The following PON2 variants were observed in gnomAD, a reference collection of about 807,000 sequenced individuals.
PON2 encodes the protein serum paraoxonase/arylesterase 2.
In PON2, 27 loss-of-function variants were observed where a neutral mutation model predicts 36.6. The observed-to-expected ratio is 0.74, with a 90% CI of 0.54 to 1.02. PON2 has a LOEUF of 1.02. PON2 is among the 50% of genes least tolerant of loss of function. The pLI is 0.00. For synonymous variants in PON2, 149 were observed against 156.3 expected (o/e 0.95, Z 0.35); for missense variants, 363 against 421.1 (o/e 0.86, Z 1.21).
intron 7 of PON2, 24 bp downstream of exon 7, chr7:95,406,963 T>C: frequency 7.5e-7 from 1 of 1,339,810 alleles, no homozygotes; most frequent in South Asian, 1.2e-5. Flanking sequence ...GATTACTGTC[T>C]ATATGTAAAA....
intron 6 of PON2, chr7:95,409,577 C>T (rs1809812089): frequency 6.6e-6 from 1 of 152,186 alleles, no homozygotes; most frequent in Non-Finnish European, 1.4e-5. Flanking sequence ...TATGATCACA[C>T]TTTAAAATTT....
intron 1 of PON2, among the ~76,000 whole-genome samples, chr7:95,429,545 C>T (rs1294282992): frequency 6.6e-6 from 1 of 152,176 alleles, no homozygotes; most frequent in African/African-American, 2.4e-5. Flanking sequence ...ATTCAGGAAA[C>T]AGCAGTACCC....
chr7:95,421,817 A>G (rs1789200151), intron 2 of PON2, among the ~76,000 whole-genome samples: 1 of 152,226 alleles, frequency 6.6e-6, no homozygotes, highest in African/African-American at 2.4e-5. Flanking sequence ...AAAAGAAGAA[A>G]AAAAGAAAGG....
intron 1 of PON2, among the ~76,000 whole-genome samples, chr7:95,429,275 C>CA (rs1789386017): frequency 6.7e-6 from 1 of 149,016 alleles, no homozygotes; most frequent in Admixed American, 6.8e-5. Flanking sequence ...TAAGTGAGAA[C>CA]ATGTGGTGTT....
At chr7:95,406,339 A>G in intron 7 of PON2, 92 bp from the exon 8 acceptor site, 1 of 1,361,428 alleles carries the variant, frequency 7.3e-7, no homozygotes, top group Non-Finnish European at 1.0e-6. Context: ...GCATGTGAGG[A>G]AATTACACAT....
At chr7:95,406,093 G>A in intron 8 of PON2, 26 bp downstream of exon 8, 1 of 1,607,214 alleles carries the variant, frequency 6.2e-7, no homozygotes. Flanking sequence ...GAATAATTAA[G>A]TTTAAAAAAC....
chr7:95,434,432 A>G (rs998430922), intron 1 of PON2: 1 of 170,104 alleles, frequency 5.9e-6, no homozygotes, highest in African/African-American at 2.4e-5. Context: ...ATGGGTGGAG[A>G]ACAACTTTAT....
chr7:95,426,214 A>G (rs1391953826), intron 1 of PON2, among the ~76,000 whole-genome samples: 1 of 152,138 alleles, frequency 6.6e-6, no homozygotes, highest in Non-Finnish European at 1.5e-5. Context: ...ACCCATGTAA[A>G]ACCTGCACAT....
At chr7:95,412,623 A>G in intron 3 of PON2, 146 bp from the exon 4 acceptor site, 1 of 780,056 alleles carries the variant, frequency 1.3e-6, no homozygotes, top group Non-Finnish European at 2.1e-6. Flanking sequence ...AGAAAAGATA[A>G]CAGAAAAAAT....
At chr7:95,407,429 G>A (rs923284321) in intron 6 of PON2, among the ~76,000 whole-genome samples, 4 of 152,118 alleles carry the variant, frequency 2.6e-5, no homozygotes, top group African/African-American at 9.7e-5. Flanking sequence ...TAATTATCAT[G>A]TACATATAGA....
chr7:95,411,299 T>C (rs1788916835), intron 5 of PON2, among the ~76,000 whole-genome samples: 1 of 152,146 alleles, frequency 6.6e-6, no homozygotes, highest in South Asian at 2.1e-4. Flanking sequence ...ATCTGGGTGA[T>C]GAGTCATCTA....
In PON2 at chr7:95,409,928, T is replaced by C; in HGVS notation, c.668A>G (p.Asn223Ser). 2 of 1,613,668 alleles carry C rather than the reference T, an allele frequency of 1.2e-6. No homozygotes were observed. The highest frequency in any genetic ancestry group is 1.7e-4 in the Middle Eastern group (1 of 5,888). ...ATCATCAGGTGAAATATTGATCCCATTTGCTGAATCAAATCCTTCTGCTAC... is the reference window on the plus strand; with the variant it reads ...ATCATCAGGTGAAATATTGATCCCACTTGCTGAATCAAATCCTTCTGCTAC... The part of the protein sequence containing the change: ...KVVAEGFDSA[N>S]GINISPDDKY... Residue 223 changes from asparagine (N) to serine (S), a missense_variant, in exon 6 of 9, where the codon AAT becomes AGT. Asn to Ser is a conservative substitution (Grantham distance 46). Coordinates refer to ENST00000222572, the MANE Select transcript of PON2 (RefSeq NM_000305.3).
chr7:95,408,277 A>G (rs1274766940), intron 6 of PON2, among the ~76,000 whole-genome samples: 2 of 152,226 alleles, frequency 1.3e-5, no homozygotes, highest in African/African-American at 4.8e-5. Context: ...CAAGAGTGAA[A>G]AAAATCCAAG....
chr7:95,416,221 G>T (rs780667181), intron 3 of PON2, 21 bp downstream of exon 3: 3 of 1,610,970 alleles, frequency 1.9e-6, no homozygotes, highest in Non-Finnish European at 2.5e-6. Context: ...GCTGAATTTG[G>T]GGAAGGAAGA....
intron 1 of PON2, among the ~76,000 whole-genome samples, chr7:95,432,321 G>A (rs1789461578): frequency 1.3e-5 from 2 of 152,094 alleles, no homozygotes; most frequent in African/African-American, 2.4e-5. Context: ...GAGGAGGGAG[G>A]ACTGCTTGTG....
rs765670902 is a variant in PON2, at chr7:95,412,517, A to G, written c.202-40T>C. 111 of 1,591,604 alleles carry G rather than the reference A, an allele frequency of 7.0e-5. 4 individuals are homozygous for G. The South Asian group carries it at 1.2e-3, about 18-fold the overall frequency. ...GAAAAATGTTAAATACAAAAGCTTA[A>G]GTATTTTTATGGACTAACATGGGAA... On this transcript the variant is annotated intron_variant, in intron 3 of 8. Coordinates refer to ENST00000222572, the MANE Select transcript of PON2 (RefSeq NM_000305.3).
At chr7:95,432,632 G>C (rs781624029) in intron 1 of PON2, among the ~76,000 whole-genome samples, 8 of 152,144 alleles carry the variant, frequency 5.3e-5, no homozygotes, top group Non-Finnish European at 8.8e-5. Context: ...AACATAATAA[G>C]CTTGTGAATT....
rs1789469633 is a variant in PON2, at chr7:95,432,635, T to G, written c.74+2243A>C. ...CACATTAGTGACAACATAATAAGCT[T>G]GTGAATTTTGGTGGTCTTGCCTTTG... On this transcript the variant is annotated intron_variant, in intron 1 of 8. Coordinates refer to ENST00000222572, the MANE Select transcript of PON2 (RefSeq NM_000305.3). Among the ~76,000 whole-genome samples, 4 of 152,190 alleles carry G rather than the reference T, an allele frequency of 2.6e-5. No homozygotes were observed. The South Asian group carries it at 8.3e-4, about 31-fold the overall frequency.
intron 1 of PON2, among the ~76,000 whole-genome samples, chr7:95,431,739 A>G (rs554923895): frequency 2.1e-4 from 32 of 152,158 alleles, no homozygotes; most frequent in African/African-American, 7.5e-4. Context: ...CCTTTTTAAA[A>G]CAGACTCAAA....
Sources: gnomAD v4.1 joint callset for allele counts (sites outside exome capture counted in the v4.1 genomes callset) on GRCh38, gnomAD v4.1.1 for gene constraint, MANE v1.5 for transcripts, NCBI Gene and HGNC (gene_info 2026-07-23, HGNC 2026-07-21) for gene names.